Variants in RABGAP1L observed in about 807,000 individuals in gnomAD.
RABGAP1L encodes the protein rab GTPase-activating protein 1-like.
RABGAP1L carries 63 observed loss-of-function variants against 137.7 expected under a neutral mutation model. That is an observed-to-expected ratio of 0.46 (90% CI 0.37 to 0.56). The LOEUF (loss-of-function observed/expected upper bound fraction) is 0.56. RABGAP1L is among the 20% of genes least tolerant of loss of function. The probability of loss-of-function intolerance (pLI) is 0.00; values close to 1 mark genes in which losing one functional copy is unlikely to be tolerated. For synonymous variants in RABGAP1L, 431 were observed against 433.7 expected, an observed-to-expected ratio of 0.99 and a Z score of 0.08; for missense variants, 1,095 against 1,244.0, an observed-to-expected ratio of 0.88 and a Z score of 1.80.
At chr1:174,378,701 A>G (rs1685815838) in intron 12 of RABGAP1L, among the ~76,000 whole-genome samples, 1 of 151,742 alleles carries the variant, frequency 6.6e-6, no homozygotes, top group South Asian at 2.1e-4. Context: ...TTGTCAGATG[A>G]GTAGGTTGCG....
chr1:174,629,447 C>T (rs1366150480), intron 13 of RABGAP1L, among the ~76,000 whole-genome samples: 1 of 152,214 alleles, frequency 6.6e-6, no homozygotes, highest in East Asian at 1.9e-4. Flanking sequence ...ATTCCCTTAG[C>T]CAAATGAGAG....
intron 13 of RABGAP1L, among the ~76,000 whole-genome samples, chr1:174,570,508 G>A (rs892691687): frequency 1.3e-5 from 2 of 152,086 alleles, no homozygotes; most frequent in African/African-American, 4.8e-5. Context: ...AGACACTGGG[G>A]ACTGCTGGAG....
At chr1:174,869,217 G>T (rs1651791674) in intron 19 of RABGAP1L, among the ~76,000 whole-genome samples, 1 of 152,130 alleles carries the variant, frequency 6.6e-6, no homozygotes, top group Admixed American at 6.5e-5. Context: ...TTTTGTGGAT[G>T]ATGACATGGT....
At chr1:174,422,697 C>T (rs1481114346) in intron 13 of RABGAP1L, among the ~76,000 whole-genome samples, 2 of 151,942 alleles carry the variant, frequency 1.3e-5, no homozygotes, top group Non-Finnish European at 2.9e-5. Context: ...CCTGTAATCC[C>T]AGCACTTTGG....
chr1:174,808,138 C>T (rs1260411216), intron 18 of RABGAP1L, among the ~76,000 whole-genome samples: 1 of 151,944 alleles, frequency 6.6e-6, no homozygotes, highest in African/African-American at 2.4e-5. Flanking sequence ...CACCCATCAC[C>T]ATGCCCGGCT....
chr1:174,691,867 G>A (rs918762476), intron 15 of RABGAP1L, among the ~76,000 whole-genome samples: 19 of 152,084 alleles, frequency 1.2e-4, no homozygotes, highest in Non-Finnish European at 2.5e-4. Context: ...CTACCTCGTG[G>A]AGGAATTGCA....
intron 19 of RABGAP1L, among the ~76,000 whole-genome samples, chr1:174,831,186 GA>G (rs1353913442): frequency 6.8e-6 from 1 of 148,098 alleles, no homozygotes. Flanking sequence ...ATCAATGGAG[GA>G]AGAGAATACA....
At chr1:174,577,277 T>C (rs1178634232) in intron 13 of RABGAP1L, among the ~76,000 whole-genome samples, 2 of 136,560 alleles carry the variant, frequency 1.5e-5, no homozygotes, top group African/African-American at 5.5e-5. Flanking sequence ...TGAGAGTCAG[T>C]GATATGTATA....
At position 174,332,882 on chromosome 1, in the gene RABGAP1L, GTTTA is replaced by G. The variant is rs563778552; in HGVS notation, c.1465+27761_1465+27764del. Among the ~76,000 whole-genome samples the G allele has an allele frequency of 3.0e-3, 453 of 152,240 alleles. 2 individuals are homozygous for G. The highest frequency in any genetic ancestry group is 5.1e-3 in the Non-Finnish European group (346 of 68,012). ...GTCAAAGAGACAGCTGGACTTCCAT[GTTTA>G]TTTATAATAGCCAAGATATGGAGTC... is the stretch of plus-strand genomic sequence containing the variant. On this transcript the variant is annotated intron_variant, in intron 11 of 25. Transcript: ENST00000681986.
At chr1:174,770,097 G>C (rs1405506953) in intron 18 of RABGAP1L, among the ~76,000 whole-genome samples, 1 of 152,154 alleles carries the variant, frequency 6.6e-6, no homozygotes, top group African/African-American at 2.4e-5. Context: ...GATTTGCAAT[G>C]ATTTTGTACA....
chr1:174,525,438 CTAT>C (rs1191439247), intron 13 of RABGAP1L, among the ~76,000 whole-genome samples: 1 of 151,802 alleles, frequency 6.6e-6, no homozygotes, highest in Non-Finnish European at 1.5e-5. Flanking sequence ...GCTTTTTTGG[CTAT>C]TTCATTATTG....
rs925794591 is a variant in RABGAP1L at position 174,296,870 on chromosome 1, A to G, written c.1324-8116A>G. On this transcript the variant is annotated intron_variant, in intron 10 of 25. Transcript: ENST00000681986. ...AAATAAATGTCATGCATCTTTATCC[A>G]TAAGGTGTTTAGTGACAGGATTCTT... Among the ~76,000 whole-genome samples the G allele has an allele frequency of 2.6e-5, 4 of 152,206 alleles. No homozygotes were observed. In the East Asian group the frequency reaches 5.8e-4, roughly 22 times the overall value.
chr1:174,664,736 T>TTC (rs1489212334), intron 14 of RABGAP1L, among the ~76,000 whole-genome samples: 1 of 106,144 alleles, frequency 9.4e-6, no homozygotes, highest in Non-Finnish European at 1.9e-5. Context: ...TCTGCTTTCT[T>TTC]TTTTTTTTTT....
At chr1:174,821,130 T>A (rs1486860617) in intron 19 of RABGAP1L, among the ~76,000 whole-genome samples, 1 of 152,144 alleles carries the variant, frequency 6.6e-6, no homozygotes, top group African/African-American at 2.4e-5. Flanking sequence ...TTACTTCTCT[T>A]TGTCCTAATA....
At chr1:174,806,845 G>C (rs1689350812) in intron 18 of RABGAP1L, among the ~76,000 whole-genome samples, 1 of 152,154 alleles carries the variant, frequency 6.6e-6, no homozygotes, top group Admixed American at 6.5e-5. Flanking sequence ...GAGTACAGTG[G>C]TGCAATATCA....
At chr1:174,294,294 G>T (rs1258419094) in intron 10 of RABGAP1L, among the ~76,000 whole-genome samples, 2 of 152,156 alleles carry the variant, frequency 1.3e-5, no homozygotes, top group Non-Finnish European at 2.9e-5. Context: ...ATGAATTAAT[G>T]AATCAATGAA....
chr1:174,651,095 C>T (rs1021822557), intron 14 of RABGAP1L, among the ~76,000 whole-genome samples: 26 of 151,958 alleles, frequency 1.7e-4, no homozygotes, highest in Non-Finnish European at 3.5e-4. Flanking sequence ...GTTATGTACC[C>T]AGCAGTCATT....
chr1:174,462,078 A>T (rs1354317873), intron 13 of RABGAP1L, among the ~76,000 whole-genome samples: 1 of 152,132 alleles, frequency 6.6e-6, no homozygotes. Context: ...GTCTTGAACC[A>T]TTCTTGTAAA....
At position 174,843,217 on chromosome 1, in the gene RABGAP1L, TCA is replaced by T. The variant is rs1255377057; in HGVS notation, c.2340+31260_2340+31261del. Reference sequence around the variant, plus strand: ...AGTCTCTTTCCCTAACAAGAAAATGTCACAGTCTTTTTTTTTTTTTTTTTTAT... The same window carrying T: ...AGTCTCTTTCCCTAACAAGAAAATGTCAGTCTTTTTTTTTTTTTTTTTTAT... On this transcript the variant is annotated intron_variant, in intron 19 of 25. Coordinates refer to ENST00000681986, the MANE Select transcript of RABGAP1L (RefSeq NM_001366446.1). Among the ~76,000 whole-genome samples the T allele has an allele frequency of 2.4e-4, 36 of 150,588 alleles. No individual in the cohort carries two copies. In the East Asian group the frequency reaches 4.1e-3, roughly 17 times the overall value.
Sources: allele counts gnomAD v4.1 joint callset (sites outside exome capture counted in the v4.1 genomes callset), GRCh38; gene constraint gnomAD v4.1.1; transcripts MANE v1.5; gene names NCBI Gene and HGNC (gene_info 2026-07-23, HGNC 2026-07-21).